Variants in TSGA10 observed in about 807,000 individuals in gnomAD.
TSGA10 encodes testis specific 10.
In TSGA10, 43 loss-of-function variants were observed where a neutral mutation model predicts 96.6. The observed-to-expected ratio is 0.44, with a 90% CI of 0.35 to 0.57. TSGA10 has a LOEUF of 0.57. Among genes scored for constraint, TSGA10 ranks in the 20% least tolerant of loss-of-function variants. The pLI is 0.01. For missense variants in TSGA10, 703 were observed against 834.4 expected, an observed-to-expected ratio of 0.84 and a Z score of 1.94; for synonymous variants, 229 against 269.9, an observed-to-expected ratio of 0.85 and a Z score of 1.48.
chr2:99,056,066 G>T (rs574892959), intron 16 of TSGA10, among the ~76,000 whole-genome samples: 7 of 151,938 alleles, frequency 4.6e-5, no homozygotes, highest in African/African-American at 1.7e-4. Context: ...TTAGCCAGGC[G>T]TGGTGGTGGG....
intron 1 of TSGA10, among the ~76,000 whole-genome samples, chr2:99,148,662 G>T (rs377390461): frequency 6.6e-5 from 10 of 152,228 alleles, no homozygotes; most frequent in African/African-American, 2.4e-4. Flanking sequence ...AAATATTAAA[G>T]ACATAATACA....
chr2:99,048,167 A>G (rs767488933), intron 16 of TSGA10, among the ~76,000 whole-genome samples: 40 of 152,180 alleles, frequency 2.6e-4, no homozygotes, highest in Non-Finnish European at 5.0e-4. Context: ...TATAGATTCA[A>G]TGCTATCCCC....
chr2:99,143,137 T>G (rs934819169), intron 1 of TSGA10, among the ~76,000 whole-genome samples: 2 of 43,086 alleles, frequency 4.6e-5, no homozygotes, highest in African/African-American at 1.1e-4. Flanking sequence ...CTAAACCTTT[T>G]TTTTTTTTTT....
chr2:99,111,918 T>C (rs1358598146), intron 4 of TSGA10, among the ~76,000 whole-genome samples: 2 of 152,112 alleles, frequency 1.3e-5, no homozygotes, highest in Non-Finnish European at 2.9e-5. Context: ...AAAAAATAAA[T>C]TTATACGCAG....
At chr2:99,050,584 A>G (rs1416219215) in intron 16 of TSGA10, among the ~76,000 whole-genome samples, 5 of 152,228 alleles carry the variant, frequency 3.3e-5, no homozygotes, top group African/African-American at 1.2e-4. Context: ...ATATATCATC[A>G]GAATTAAGTT....
chr2:99,129,080 T>G (rs2092955070), intron 1 of TSGA10, among the ~76,000 whole-genome samples: 1 of 152,194 alleles, frequency 6.6e-6, no homozygotes, highest in Admixed American at 6.5e-5. Context: ...TATTTTATCA[T>G]CTGTTCAATG....
At chr2:99,128,383 T>C (rs2092929107) in intron 1 of TSGA10, among the ~76,000 whole-genome samples, 5 of 152,244 alleles carry the variant, frequency 3.3e-5, no homozygotes, top group Admixed American at 3.3e-4. Flanking sequence ...AACTACCATT[T>C]CTTACATGGT....
At chr2:99,150,527 C>A in intron 1 of TSGA10, 1 of 1,596,598 alleles carries the variant, frequency 6.3e-7, no homozygotes, top group Middle Eastern at 1.7e-4. Context: ...AAGGTACCTG[C>A]AAATTACTTT....
At chr2:99,103,818 T>C in intron 10 of TSGA10, 149 bp downstream of exon 10, 1 of 836,986 alleles carries the variant, frequency 1.2e-6, no homozygotes, top group Non-Finnish European at 1.8e-6. Flanking sequence ...GGAAAATTGT[T>C]CACTGTGTGC....
chr2:99,040,099 T>C (rs2082045455), intron 16 of TSGA10, among the ~76,000 whole-genome samples: 1 of 151,856 alleles, frequency 6.6e-6, no homozygotes, highest in Non-Finnish European at 1.5e-5. Flanking sequence ...CTCAGCAAAA[T>C]CAGCATAGAA....
chr2:99,095,569 T>TA (rs764787686), intron 10 of TSGA10, among the ~76,000 whole-genome samples: 1 of 152,110 alleles, frequency 6.6e-6, no homozygotes, highest in East Asian at 1.9e-4. Context: ...TAGTGAGATT[T>TA]AACTAAGAAA....
At chr2:99,134,644 T>C (rs1259670914) in intron 1 of TSGA10, among the ~76,000 whole-genome samples, 1 of 152,134 alleles carries the variant, frequency 6.6e-6, no homozygotes, top group East Asian at 1.9e-4. Context: ...TGTAATCCTT[T>C]AGAGGAGAAG....
chr2:99,051,056 T>C (rs147990378), intron 16 of TSGA10, among the ~76,000 whole-genome samples: 1,631 of 152,270 alleles, frequency 0.011, 9 homozygotes, highest in Middle Eastern at 0.027. Flanking sequence ...CATCTAGGTT[T>C]CCAGAAGTAC....
chr2:99,087,000 T>G (rs192891726), intron 10 of TSGA10, among the ~76,000 whole-genome samples: 16 of 151,626 alleles, frequency 1.1e-4, no homozygotes, highest in Admixed American at 2.6e-4. Context: ...GTCAGGAGAT[T>G]GAGACCATCC....
intron 16 of TSGA10, among the ~76,000 whole-genome samples, chr2:99,064,114 C>T (rs1473445603): frequency 6.6e-6 from 1 of 152,130 alleles, no homozygotes; most frequent in Non-Finnish European, 1.5e-5. Context: ...TTGCACATAT[C>T]TTGGATCTAC....
intron 17 of TSGA10, among the ~76,000 whole-genome samples, chr2:99,028,649 C>T (rs2080863645): frequency 1.3e-5 from 2 of 152,048 alleles, no homozygotes; most frequent in Non-Finnish European, 2.9e-5. Context: ...TCATCACCAC[C>T]ATTCTACTCT....
intron 15 of TSGA10, among the ~76,000 whole-genome samples, chr2:99,067,860 G>A (rs2085449180): frequency 6.6e-6 from 1 of 151,692 alleles, no homozygotes; most frequent in Admixed American, 6.6e-5. Flanking sequence ...AAAAAAAAGT[G>A]TTGCTCTGGA....
At chr2:99,052,521 G>A (rs899424155) in intron 16 of TSGA10, among the ~76,000 whole-genome samples, 2 of 151,982 alleles carry the variant, frequency 1.3e-5, no homozygotes, top group South Asian at 2.1e-4. Flanking sequence ...GGCGGATCAC[G>A]AGGTCAGGAG....
chr2:99,151,179 C>G, intron 1 of TSGA10: 1 of 169,608 alleles, frequency 5.9e-6, no homozygotes, highest in Non-Finnish European at 1.3e-5. Context: ...AGTGTCCAAG[C>G]AGCCGGGCGC....
Sources: gnomAD v4.1 joint callset for allele counts (sites outside exome capture counted in the v4.1 genomes callset) on GRCh38, gnomAD v4.1.1 for gene constraint, MANE v1.5 for transcripts, NCBI Gene and HGNC (gene_info 2026-07-23, HGNC 2026-07-21) for gene names.